MARCHF1: variants seen among roughly 807,000 people sequenced by gnomAD.
The protein encoded by MARCHF1 is E3 ubiquitin-protein ligase MARCHF1.
A neutral mutation model predicts 54.2 loss-of-function variants in MARCHF1; 40 were observed. The observed-to-expected ratio is 0.74, with a 90% CI of 0.57 to 0.96. The LOEUF is 0.96. Ranked by LOEUF, MARCHF1 falls within the 40% of genes least tolerant of loss-of-function variation. The pLI, the probability that MARCHF1 is intolerant of heterozygous loss-of-function variation, is 0.00. For synonymous variants in MARCHF1, 236 were observed against 236.3 expected (o/e 1.00, Z 0.01); for missense variants, 586 against 656.5 (o/e 0.89, Z 1.17).
At chr4:164,212,207 T>A (rs918504107) in intron 1 of MARCHF1, among the ~76,000 whole-genome samples, 1 of 152,118 alleles carries the variant, frequency 6.6e-6, no homozygotes, top group African/African-American at 2.4e-5. Context: ...TCATTAAATA[T>A]TTGCTCTGTC....
chr4:164,029,006 T>G (rs1339317202), intron 2 of MARCHF1, among the ~76,000 whole-genome samples: 1 of 152,202 alleles, frequency 6.6e-6, no homozygotes, highest in Non-Finnish European at 1.5e-5. Context: ...ATATGATACT[T>G]GAGGTGATTT....
chr4:163,802,607 T>A (rs1476299488), intron 4 of MARCHF1, among the ~76,000 whole-genome samples: 1 of 152,188 alleles, frequency 6.6e-6, no homozygotes, highest in Non-Finnish European at 1.5e-5. Flanking sequence ...AGAAAATATA[T>A]GAAATTGGAA....
intron 1 of MARCHF1, among the ~76,000 whole-genome samples, chr4:164,210,247 C>T (rs1043157313): frequency 3.9e-5 from 6 of 151,968 alleles, no homozygotes; most frequent in Admixed American, 2.0e-4. Context: ...TCAGCATCTG[C>T]GAAGATGAGA....
intron 8 of MARCHF1, among the ~76,000 whole-genome samples, chr4:163,546,685 TTGC>T (rs1738919559): frequency 6.6e-6 from 1 of 152,194 alleles, no homozygotes; most frequent in African/African-American, 2.4e-5. Context: ...CAACCTTTAG[TTGC>T]TGCTACCGTA....
At chr4:164,126,154 G>A (rs771665585) in intron 1 of MARCHF1, among the ~76,000 whole-genome samples, 29 of 152,074 alleles carry the variant, frequency 1.9e-4, no homozygotes, top group Non-Finnish European at 3.2e-4. Flanking sequence ...TCCAAAATTC[G>A]TACATTGAAA....
intron 1 of MARCHF1, among the ~76,000 whole-genome samples, chr4:164,210,131 T>A (rs1731723096): frequency 6.6e-6 from 1 of 152,208 alleles, no homozygotes; most frequent in African/African-American, 2.4e-5. Flanking sequence ...AACATCACTC[T>A]GATTATAGTA....
intron 5 of MARCHF1, among the ~76,000 whole-genome samples, chr4:163,658,215 AC>A (rs1743219514): frequency 2.7e-5 from 3 of 112,778 alleles, no homozygotes; most frequent in South Asian, 5.2e-4. Flanking sequence ...CAAGAAAAAA[AC>A]AAACAACCCC....
intron 4 of MARCHF1, among the ~76,000 whole-genome samples, chr4:163,822,067 T>A (rs962255371): frequency 6.6e-6 from 1 of 152,004 alleles, no homozygotes; most frequent in African/African-American, 2.4e-5. Flanking sequence ...AACTTTTAAT[T>A]ACTTTTTATT....
intron 1 of MARCHF1, among the ~76,000 whole-genome samples, chr4:164,223,441 T>C (rs1732167721): frequency 6.6e-6 from 1 of 152,014 alleles, no homozygotes. Flanking sequence ...ATTTGAAAGT[T>C]TGAATAATGG....
chr4:164,061,515 A>G (rs1426401975), intron 2 of MARCHF1, among the ~76,000 whole-genome samples: 1 of 85,848 alleles, frequency 1.2e-5, no homozygotes, highest in Non-Finnish European at 2.3e-5. Flanking sequence ...GGAACATCAC[A>G]CTCTGGGGAC....
At chr4:163,603,290 A>T (rs959028892) in intron 7 of MARCHF1, among the ~76,000 whole-genome samples, 1 of 151,178 alleles carries the variant, frequency 6.6e-6, no homozygotes, top group Admixed American at 6.6e-5. Flanking sequence ...CTGAAGATAC[A>T]CATACGAAAC....
chr4:163,921,782 T>A (rs1751435851), intron 3 of MARCHF1, among the ~76,000 whole-genome samples: 1 of 152,138 alleles, frequency 6.6e-6, no homozygotes, highest in Admixed American at 6.6e-5. Flanking sequence ...TGATTATGAG[T>A]TAGTTAATAG....
At chr4:164,132,675 G>A (rs1342619133) in intron 1 of MARCHF1, among the ~76,000 whole-genome samples, 1 of 152,034 alleles carries the variant, frequency 6.6e-6, no homozygotes, top group Non-Finnish European at 1.5e-5. Flanking sequence ...AATGGCTTTA[G>A]TGTTTACTGA....
intron 2 of MARCHF1, among the ~76,000 whole-genome samples, chr4:164,001,839 A>C (rs1030241053): frequency 1.3e-4 from 19 of 151,882 alleles, no homozygotes; most frequent in African/African-American, 4.6e-4. Context: ...CTTTGGTTAC[A>C]CACTAATTTG....
chr4:164,226,346 CT>C (rs1427234790), intron 1 of MARCHF1, among the ~76,000 whole-genome samples: 3 of 151,842 alleles, frequency 2.0e-5, no homozygotes, highest in Admixed American at 6.6e-5. Context: ...GGAAAATAAG[CT>C]ATTAGAGTCG....
At chr4:164,141,537 T>C (rs1417578652) in intron 1 of MARCHF1, among the ~76,000 whole-genome samples, 1 of 152,192 alleles carries the variant, frequency 6.6e-6, no homozygotes, top group Non-Finnish European at 1.5e-5. Flanking sequence ...TTTTATAACC[T>C]GCACCTTACA....
chr4:164,319,283 G>A (rs954148194), intron 1 of MARCHF1, among the ~76,000 whole-genome samples: 1 of 152,092 alleles, frequency 6.6e-6, no homozygotes, highest in South Asian at 2.1e-4. Flanking sequence ...GATGTATATA[G>A]TTTATTTACA....
chr4:163,901,585 C>T (rs1750942033), intron 3 of MARCHF1, among the ~76,000 whole-genome samples: 1 of 152,160 alleles, frequency 6.6e-6, no homozygotes, highest in South Asian at 2.1e-4. Context: ...AATACGTTTT[C>T]AGCCCTGGGA....
rs150368641 is a variant in MARCHF1, at chr4:163,612,699, C to T, written c.582G>A (p.Pro194=). 9.3e-4 allele frequency: 1,423 copies of T among 1,535,540 alleles called. 5 individuals are homozygous for T. In the African/African-American group the frequency reaches 0.011, roughly 12 times the overall value. The change falls in exon 7 of 10, where the codon CCG becomes CCA. Residue 194 remains proline, a synonymous_variant. Coordinates refer to ENST00000514618, the MANE Select transcript of MARCHF1 (RefSeq NM_001394959.1). ...SRRRRRNNNK[P]CENLAGSSTP... ...TGGAAGACCCAGCTAAGTTTTCACA[C>T]GGCTTATTATTATTTCTCCTCCTTC...
Sources: gnomAD v4.1 joint callset for allele counts (sites outside exome capture counted in the v4.1 genomes callset) on GRCh38, gnomAD v4.1.1 for gene constraint, MANE v1.5 for transcripts, NCBI Gene and HGNC (gene_info 2026-07-23, HGNC 2026-07-21) for gene names.